BEAN1: variants seen among roughly 807,000 people sequenced by gnomAD.
BEAN1 encodes the protein brain expressed associated with NEDD4 1.
In BEAN1, 17 loss-of-function variants were observed where a neutral mutation model predicts 17.7. That is an observed-to-expected ratio of 0.96 (90% CI 0.66 to 1.44). The LOEUF (loss-of-function observed/expected upper bound fraction) is 1.44, where lower values mean the gene tolerates loss of function less well. BEAN1 is among the 40% of genes most tolerant of loss of function. The pLI, the probability that BEAN1 is intolerant of heterozygous loss-of-function variation, is 0.00. For synonymous variants in BEAN1, 142 were observed against 151.8 expected, an observed-to-expected ratio of 0.94 and a Z score of 0.47; for missense variants, 359 against 374.1, an observed-to-expected ratio of 0.96 and a Z score of 0.33.
exon 5 of BEAN1, chr16:66,493,027 C>G: frequency 5.7e-6 from 4 of 702,992 alleles, no homozygotes; most frequent in Non-Finnish European, 1.0e-5. Context: ...TGGACGCCAT[C>G]CTGGGCAGGC....
rs201370813 is a variant in BEAN1 at position 66,467,453 on chromosome 16, CA to C, written c.26-2145del. On this transcript the variant is annotated intron_variant, in intron 2 of 4. Coordinates refer to ENST00000536005, the MANE Select transcript of BEAN1 (RefSeq NM_001178020.3). ...AAGCAGGGGAAATGCCAGACACTTA[CA>C]AAACCATCAGATCTCATGAGACTCA... 1.6e-3 allele frequency among the ~76,000 whole-genome samples: 247 copies of C among 152,274 alleles called. 1 individual carries two copies. Among genetic ancestry groups the C allele is most frequent in the African/African-American group, 5.7e-3 (235 of 41,548 alleles).
intron 4 of BEAN1, among the ~76,000 whole-genome samples, chr16:66,492,366 T>C (rs977009977): frequency 6.6e-6 from 1 of 151,978 alleles, no homozygotes; most frequent in Non-Finnish European, 1.5e-5. Context: ...AATTTCTTCC[T>C]GCTCCAGGCC....
intron 4 of BEAN1, among the ~76,000 whole-genome samples, chr16:66,490,927 C>T (rs1964168317): frequency 6.6e-6 from 1 of 152,204 alleles, no homozygotes; most frequent in African/African-American, 2.4e-5. Flanking sequence ...CCTTTGCTTC[C>T]AGATTGGGCT....
chr16:66,490,218 TAAAAA>T (rs774079713), intron 4 of BEAN1, among the ~76,000 whole-genome samples: 69 of 43,632 alleles, frequency 1.6e-3, no homozygotes, highest in African/African-American at 6.0e-3. Flanking sequence ...CCATCTCTAC[TAAAAA>T]AAAAAAAAAA....
intron 3 of BEAN1, chr16:66,476,158 T>C (rs1042355757): frequency 6.7e-6 from 1 of 148,596 alleles, no homozygotes; most frequent in Non-Finnish European, 1.5e-5. Context: ...GAAATAAGGG[T>C]CATGATCCTC....
chr16:66,445,639 C>A (rs1455538203), intron 2 of BEAN1, among the ~76,000 whole-genome samples: 2 of 151,966 alleles, frequency 1.3e-5, no homozygotes, highest in Non-Finnish European at 2.9e-5. Flanking sequence ...GCAGAGGATT[C>A]TGAATCAGGA....
chr16:66,451,447 T>C (rs1567491426), intron 2 of BEAN1: 1 of 152,244 alleles, frequency 6.6e-6, no homozygotes, highest in African/African-American at 2.4e-5. Flanking sequence ...TTTATTTTAA[T>C]ATAGTCCAAT....
chr16:66,477,747 TG>T (rs1963814197), intron 4 of BEAN1, 37 bp downstream of exon 4: 3 of 1,503,452 alleles, frequency 2.0e-6, no homozygotes, highest in Non-Finnish European at 2.7e-6. Context: ...CATCAGAGGA[TG>T]GGGCCCTGGA....
intron 2 of BEAN1, chr16:66,437,956 C>T: frequency 3.4e-6 from 2 of 591,864 alleles, no homozygotes; most frequent in South Asian, 3.9e-5. Flanking sequence ...GATCGGAGTT[C>T]CTCTGAGGGA....
At chr16:66,490,443 A>ATAAAG in intron 4 of BEAN1, among the ~76,000 whole-genome samples, 1 of 141,086 alleles carries the variant, frequency 7.1e-6, no homozygotes, top group Non-Finnish European at 1.5e-5. Flanking sequence ...ATAAAATAAA[A>ATAAAG]TAAAATAAAA....
At chr16:66,460,038 C>T (rs1963023430) in intron 2 of BEAN1, among the ~76,000 whole-genome samples, 1 of 152,232 alleles carries the variant, frequency 6.6e-6, no homozygotes, top group South Asian at 2.1e-4. Context: ...CAACCAGTCA[C>T]AGACTGCCCC....
intron 2 of BEAN1, among the ~76,000 whole-genome samples, chr16:66,460,513 A>G (rs540381833): frequency 6.6e-6 from 1 of 152,314 alleles, no homozygotes; most frequent in South Asian, 2.1e-4. Flanking sequence ...ACATCCCTGG[A>G]TGATTTGCTT....
intron 4 of BEAN1, among the ~76,000 whole-genome samples, chr16:66,489,330 G>A (rs568404189): frequency 6.6e-6 from 1 of 152,322 alleles, no homozygotes; most frequent in Admixed American, 6.5e-5. Context: ...TTCATAAGAT[G>A]AGAGGAAGGC....
Position 66,480,992 on chromosome 16 carries a change from C to T in BEAN1, c.*67C>T, listed in dbSNP as rs747607321. On this transcript the variant is annotated 3_prime_UTR_variant, in exon 5 of 5. Transcript: ENST00000536005. ...ACCACATTCTTTAGGCACACAAAGG[C>T]GTGCACACACACACAGAGATGCACA... The T allele has an allele frequency of 3.2e-5, 40 of 1,267,242 alleles. No individual in the cohort carries two copies. The South Asian group carries it at 4.9e-4, about 16-fold the overall frequency. The allele number at this position is 1,267,242 out of a possible 1,614,324, so 78.5% of individuals were successfully genotyped here.
intron 4 of BEAN1, among the ~76,000 whole-genome samples, chr16:66,479,635 G>A (rs927159372): frequency 1.3e-5 from 2 of 152,146 alleles, no homozygotes; most frequent in Admixed American, 1.3e-4. Flanking sequence ...GCTGAGCCTG[G>A]GGTCTCTGTG....
downstream of BEAN1, chr16:66,485,490 C>G (rs1467417308): frequency 1.1e-5 from 3 of 268,000 alleles, no homozygotes; most frequent in East Asian, 2.8e-4. Flanking sequence ...GTCCTGGTCT[C>G]TGCTTTGCTT....
chr16:66,452,170 G>A lies in BEAN1; in HGVS notation c.25+14469G>A, dbSNP rs1962695384. Among the ~76,000 whole-genome samples the A allele has an allele frequency of 5.3e-5, 8 of 152,302 alleles. 1 individual carries two copies. Among genetic ancestry groups the A allele is most frequent in the Admixed American group, 5.2e-4 (8 of 15,296 alleles). ...GTTGAGATCATCAGGATCTATCATG[G>A]CAAAGAGGTAACTGTCTTTTCCTAT... On this transcript the variant is annotated intron_variant, in intron 2 of 4. Coordinates refer to ENST00000536005, the MANE Select transcript of BEAN1 (RefSeq NM_001178020.3).
chr16:66,469,841 C>T lies in BEAN1; in HGVS notation c.265C>T (p.His89Tyr). Residue 89 changes from histidine (H) to tyrosine (Y), a missense_variant, in exon 3 of 5, where the codon CAC becomes TAC. Physicochemically the swap from His to Tyr is moderately conservative, Grantham distance 83 (BLOSUM62 2). Transcript: ENST00000536005. Reference sequence around the variant, plus strand: ...CCATCATCACCACCGCCGGCGTCGACACCGAGAGTACGAGCACGGCTACGG... The same window carrying T: ...CCATCATCACCACCGCCGGCGTCGATACCGAGAGTACGAGCACGGCTACGG... ...HHHHHHRRRRHREYEHGYVSD... is the reference protein window; with the variant it reads ...HHHHHHRRRRYREYEHGYVSD... 3 of 1,531,888 alleles carry T rather than the reference C, an allele frequency of 2.0e-6. No homozygotes were observed. Among genetic ancestry groups the T allele is most frequent in the Non-Finnish European group, 2.6e-6 (3 of 1,145,680 alleles). 94.9% of individuals were successfully genotyped at this position (1,531,888 alleles called of 1,614,324 possible).
intron 2 of BEAN1, among the ~76,000 whole-genome samples, chr16:66,455,642 AG>A (rs1962836531): frequency 6.6e-6 from 1 of 151,818 alleles, no homozygotes; most frequent in African/African-American, 2.4e-5. Flanking sequence ...GGATACTGAG[AG>A]GTATAGTGGA....
Sources: allele counts gnomAD v4.1 joint callset (sites outside exome capture counted in the v4.1 genomes callset), GRCh38; gene constraint gnomAD v4.1.1; transcripts MANE v1.5; gene names NCBI Gene and HGNC (gene_info 2026-07-23, HGNC 2026-07-21).